Variants in MACROD2 observed in about 807,000 individuals in gnomAD.
MACROD2 encodes ADP-ribose glycohydrolase MACROD2.
In MACROD2, 36 loss-of-function variants were observed where a neutral mutation model predicts 70.4. That is an observed-to-expected ratio of 0.51 (90% confidence interval 0.39 to 0.68). MACROD2 has a LOEUF of 0.68. Ranked by LOEUF, MACROD2 falls within the 30% of genes least tolerant of loss-of-function variation. The pLI is 0.00. For synonymous variants in MACROD2, 172 were observed against 178.8 expected (o/e 0.96, Z 0.30); for missense variants, 496 against 538.4 (o/e 0.92, Z 0.78).
At chr20:15,678,390 C>T (rs1014190410) in intron 8 of MACROD2, among the ~76,000 whole-genome samples, 110 of 150,618 alleles carry the variant, frequency 7.3e-4, no homozygotes, top group Admixed American at 2.4e-3. Flanking sequence ...GACGGAGTCT[C>T]GCTCTGTAGC....
intron 7 of MACROD2, among the ~76,000 whole-genome samples, chr20:15,467,661 T>C (rs2046912444): frequency 6.6e-6 from 1 of 152,222 alleles, no homozygotes; most frequent in South Asian, 2.1e-4. Flanking sequence ...TGCAGCCATG[T>C]GGTTAATGAA....
At chr20:14,826,279 A>C (rs936834790) in intron 5 of MACROD2, among the ~76,000 whole-genome samples, 1 of 151,988 alleles carries the variant, frequency 6.6e-6, no homozygotes, top group Non-Finnish European at 1.5e-5. Context: ...ATTGACTCCC[A>C]AGAAAACAGA....
At chr20:16,003,399 T>A (rs946678647) in intron 15 of MACROD2, among the ~76,000 whole-genome samples, 9 of 152,090 alleles carry the variant, frequency 5.9e-5, no homozygotes, top group Non-Finnish European at 1.3e-4. Context: ...GGAATTCACA[T>A]TTATATATCC....
intron 8 of MACROD2, among the ~76,000 whole-genome samples, chr20:15,624,355 A>G (rs1437400258): frequency 2.6e-5 from 4 of 152,190 alleles, no homozygotes; most frequent in Admixed American, 2.6e-4. Flanking sequence ...TCCTCTAGCA[A>G]CACCCTCACA....
At chr20:14,577,599 G>C (rs1334525570) in intron 4 of MACROD2, among the ~76,000 whole-genome samples, 1 of 151,992 alleles carries the variant, frequency 6.6e-6, no homozygotes, top group Non-Finnish European at 1.5e-5. Flanking sequence ...GGGCCACAGA[G>C]TGAGACCCTA....
chr20:14,588,727 G>A (rs1600421779), intron 4 of MACROD2, among the ~76,000 whole-genome samples: 1 of 152,114 alleles, frequency 6.6e-6, no homozygotes, highest in Non-Finnish European at 1.5e-5. Flanking sequence ...CTCCCAAAGT[G>A]CTGAGATTAC....
At chr20:15,283,454 C>A (rs1156684670) in intron 6 of MACROD2, among the ~76,000 whole-genome samples, 4 of 152,102 alleles carry the variant, frequency 2.6e-5, no homozygotes, top group South Asian at 2.1e-4. Context: ...GAGTGGATCA[C>A]CTGAGGTCAG....
At chr20:14,312,243 T>A (rs2082574325) in intron 3 of MACROD2, among the ~76,000 whole-genome samples, 1 of 152,132 alleles carries the variant, frequency 6.6e-6, no homozygotes, top group Non-Finnish European at 1.5e-5. Context: ...TTACAATCTC[T>A]GGGTGACTTG....
rs569343024 is a variant in MACROD2 at position 15,105,371 on chromosome 20, G to A, written c.419-124569G>A. On this transcript the variant is annotated intron_variant, in intron 5 of 17. Transcript: ENST00000684519. ...GCCTATCATTGCCTCTGGTTGCACC[G>A]TTCCTGAAATAACCTCTGTGAAAAG... Among the ~76,000 whole-genome samples the A allele has an allele frequency of 6.6e-5, 10 of 152,194 alleles. No homozygotes were observed. The South Asian group carries it at 8.3e-4, about 13-fold the overall frequency.
rs547575516 is a variant in MACROD2 at position 14,691,105 on chromosome 20, C to A, written c.418+6146C>A. On this transcript the variant is annotated intron_variant, in intron 5 of 17. Coordinates refer to ENST00000684519, the MANE Select transcript of MACROD2 (RefSeq NM_001351661.2). ...GCTAATTTTTGTATGTTTACTAGAG[C>A]TGGGGTTTCGCCATGTTGGCCAGGC... 3.9e-4 allele frequency among the ~76,000 whole-genome samples: 60 copies of A among 152,102 alleles called. No individual in the cohort carries two copies. The Middle Eastern group carries it at 0.01, about 26-fold the overall frequency.
chr20:14,791,426 A>T (rs1459692001), intron 5 of MACROD2, among the ~76,000 whole-genome samples: 1 of 152,100 alleles, frequency 6.6e-6, no homozygotes, highest in Non-Finnish European at 1.5e-5. Context: ...TGAGAACACT[A>T]ACACCCAGGA....
At chr20:15,544,928 C>T (rs1057352625) in intron 8 of MACROD2, among the ~76,000 whole-genome samples, 1 of 152,170 alleles carries the variant, frequency 6.6e-6, no homozygotes, top group South Asian at 2.1e-4. Flanking sequence ...GCCCTCATTT[C>T]CAGGCCGCAT....
intron 5 of MACROD2, among the ~76,000 whole-genome samples, chr20:15,216,088 G>A (rs1012222355): frequency 1.3e-5 from 2 of 151,920 alleles, no homozygotes; most frequent in African/African-American, 2.4e-5. Flanking sequence ...AAAATCCCAA[G>A]TATAAAAAAC....
chr20:15,009,772 A>ATTTT (rs79069561), intron 5 of MACROD2, among the ~76,000 whole-genome samples: 67 of 117,880 alleles, frequency 5.7e-4, no homozygotes, highest in African/African-American at 1.9e-3. Flanking sequence ...CCACCTCCCT[A>ATTTT]TTTTTTTTTT....
At chr20:15,621,985 C>A (rs986113586) in intron 8 of MACROD2, among the ~76,000 whole-genome samples, 1 of 152,042 alleles carries the variant, frequency 6.6e-6, no homozygotes, top group Non-Finnish European at 1.5e-5. Context: ...AAGATAGATG[C>A]GCACTAACTG....
chr20:14,710,053 C>T (rs2071319277), intron 5 of MACROD2, among the ~76,000 whole-genome samples: 2 of 152,066 alleles, frequency 1.3e-5, no homozygotes, highest in Non-Finnish European at 2.9e-5. Flanking sequence ...ATGAGTGATA[C>T]TGAATCTAAT....
At chr20:14,472,014 A>G (rs754163870) in intron 3 of MACROD2, among the ~76,000 whole-genome samples, 3 of 152,208 alleles carry the variant, frequency 2.0e-5, no homozygotes, top group Non-Finnish European at 4.4e-5. Context: ...GTTGGTCTGC[A>G]TTGACTTATT....
chr20:15,770,747 G>A (rs990690199), intron 8 of MACROD2, among the ~76,000 whole-genome samples: 13 of 152,050 alleles, frequency 8.5e-5, no homozygotes, highest in Admixed American at 4.6e-4. Context: ...TCCAGGCTAA[G>A]ATCCTGAAAG....
intron 8 of MACROD2, among the ~76,000 whole-genome samples, chr20:15,645,628 G>C (rs2049529595): frequency 6.6e-6 from 1 of 152,166 alleles, no homozygotes; most frequent in Non-Finnish European, 1.5e-5. Flanking sequence ...AAAAGATATT[G>C]TTATCGGGGT....
Sources: gnomAD v4.1 joint callset for allele counts (sites outside exome capture counted in the v4.1 genomes callset) on GRCh38, gnomAD v4.1.1 for gene constraint, MANE v1.5 for transcripts, NCBI Gene and HGNC (gene_info 2026-07-23, HGNC 2026-07-21) for gene names.